Variants in ELP2 observed in about 807,000 individuals in gnomAD.
ELP2 encodes the protein elongator complex protein 2.
ELP2 carries 90 observed loss-of-function variants against 119.2 expected under a neutral mutation model. The observed-to-expected ratio is 0.75, with a 90% confidence interval of 0.64 to 0.90. The LOEUF (loss-of-function observed/expected upper bound fraction) is 0.90, where lower values mean the gene tolerates loss of function less well. Among genes scored for constraint, ELP2 ranks in the 40% least tolerant of loss-of-function variants. The pLI is 0.00. For synonymous variants in ELP2, 339 were observed against 331.0 expected, an observed-to-expected ratio of 1.02 and a Z score of -0.26; for missense variants, 921 against 967.8, an observed-to-expected ratio of 0.95 and a Z score of 0.64.
chr18:36,172,313 T>C (rs924577680), intron 21 of ELP2, among the ~76,000 whole-genome samples: 13 of 152,174 alleles, frequency 8.5e-5, no homozygotes, highest in African/African-American at 3.1e-4. Flanking sequence ...TTCTGTGTTA[T>C]ATTTTCTTAG....
In ELP2 at chr18:36,177,434, A is replaced by G. The variant is rs1419826270; in HGVS notation, c.*2793A>G. Reference sequence around the variant, plus strand: ...AGACAAATACTCTATGCTTCCATTTATGTGAAGTATCTAGAGCAGTCAAAT... The same window carrying G: ...AGACAAATACTCTATGCTTCCATTTGTGTGAAGTATCTAGAGCAGTCAAAT... On this transcript the variant is annotated 3_prime_UTR_variant, in exon 22 of 22. Coordinates refer to ENST00000358232, the MANE Select transcript of ELP2 (RefSeq NM_018255.4). The G allele has an allele frequency of 1.3e-5, 2 of 152,230 alleles. No homozygotes were observed. Among genetic ancestry groups the G allele is most frequent in the East Asian group, 3.8e-4 (2 of 5,196 alleles). The allele number at this position is 152,230 out of a possible 1,614,324, so 9.4% of individuals were successfully genotyped here. A position where few individuals can be genotyped will look rare whatever the true frequency, so the allele number is the denominator to read the frequency against.
At chr18:36,158,695 C>A (rs561375513) in intron 13 of ELP2, 140 bp from the exon 14 acceptor site, 3 of 627,966 alleles carry the variant, frequency 4.8e-6, no homozygotes, top group Non-Finnish European at 8.5e-6. Context: ...GACATCCACA[C>A]AAGATGGTCT....
intron 1 of ELP2, among the ~76,000 whole-genome samples, chr18:36,132,406 C>T (rs934166576): frequency 6.6e-6 from 1 of 152,176 alleles, no homozygotes; most frequent in Non-Finnish European, 1.5e-5. Context: ...GTTTTCCAGC[C>T]TCAAATAACC....
At chr18:36,146,873 AC>A (rs2090222033) in intron 11 of ELP2, among the ~76,000 whole-genome samples, 1 of 152,004 alleles carries the variant, frequency 6.6e-6, no homozygotes, top group Non-Finnish European at 1.5e-5. Context: ...TAGTCATGTA[AC>A]TGTCTCTCTA....
chr18:36,146,148 C>T, intron 10 of ELP2, 100 bp downstream of exon 10: 2 of 1,573,540 alleles, frequency 1.3e-6, no homozygotes, highest in Non-Finnish European at 1.7e-6. Flanking sequence ...TCACTGTGTA[C>T]ATTAAAATAG....
Position 36,159,998 on chromosome 18 carries a change from G to A in ELP2, c.1671G>A (p.Trp557Ter), listed in dbSNP as rs773824308. The A allele has an allele frequency of 6.2e-7, 1 of 1,613,930 alleles. No individual in the cohort carries two copies. The highest frequency in any genetic ancestry group is 8.5e-7 in the Non-Finnish European group (1 of 1,179,988). ...TEDHLLQNTL[W>*]PEVQKLYGHG... ...ATCATCTTCTGCAGAATACTTTGTG[G>A]CCTGAAGTTCAAAAACTGTAAGTTA... The change falls in exon 16 of 22, where the codon TGG becomes TGA. Residue 557 changes from tryptophan to a stop codon, truncating the protein, a stop_gained. Transcript: ENST00000358232. LOFTEE classifies it high-confidence loss of function.
chr18:36,156,771 T>C (rs567097919), intron 13 of ELP2, 117 bp downstream of exon 13: 65 of 987,092 alleles, frequency 6.6e-5, no homozygotes, highest in Non-Finnish European at 6.1e-6. Context: ...ATATTGTTTC[T>C]TAATGTAAGA....
chr18:36,156,501 T>C lies in ELP2; in HGVS notation c.1311T>C (p.His437=). The change falls in exon 13 of 22, where the codon CAT becomes CAC. Residue 437 remains histidine, a synonymous_variant. Transcript: ENST00000358232. ...ATGAAATTGCAAGGCCTCAGATACA[T>C]GGGTATGACCTGAAATGTTTGGCAA... ...TWHEIARPQI[H]GYDLKCLAMI... The C allele has an allele frequency of 6.2e-7, 1 of 1,614,186 alleles. No homozygotes were observed. Among genetic ancestry groups the C allele is most frequent in the Non-Finnish European group, 8.5e-7 (1 of 1,180,012 alleles).
intron 11 of ELP2, among the ~76,000 whole-genome samples, chr18:36,148,541 C>A (rs565706761): frequency 1.3e-5 from 2 of 152,228 alleles, no homozygotes; most frequent in South Asian, 4.2e-4. Context: ...GGCCATGGAT[C>A]CCTCAGGCCA....
rs1430146389 is a variant in ELP2 at position 36,176,135 on chromosome 18, A to T, written c.*1494A>T. 6.6e-6 allele frequency: 1 copy of T among 152,140 alleles called. No individual in the cohort carries two copies. Among genetic ancestry groups the T allele is most frequent in the Non-Finnish European group, 1.5e-5 (1 of 68,026 alleles). 9.4% of individuals were successfully genotyped at this position (152,140 alleles called of 1,614,324 possible). On this transcript the variant is annotated 3_prime_UTR_variant, in exon 22 of 22. Transcript: ENST00000358232. ...ATGTCAACCTATAATCAGTATAAAA[A>T]CCTGTTACTGAAATATTTTATAGGG...
chr18:36,164,459 C>T lies in ELP2; in HGVS notation c.1762-16C>T, dbSNP rs374867372. The T allele has an allele frequency of 6.2e-7, 1 of 1,610,334 alleles. No homozygotes were observed. The highest frequency in any genetic ancestry group is 8.5e-7 in the Non-Finnish European group (1 of 1,176,648). ...TTTTTACTTACTAGCTTCATTGTTT[C>T]ATCTCTGTCCTATAGGCAGCTAAGA... On this transcript the variant is annotated splice_polypyrimidine_tract_variant and intron_variant, in intron 17 of 21. Transcript: ENST00000358232.
Position 36,174,498 on chromosome 18 carries a change from C to G in ELP2, c.2338C>G (p.Leu780Val). Residue 780 changes from leucine (L) to valine (V), a missense_variant, in exon 22 of 22, where the codon CTG becomes GTG. By Grantham distance (32) the Leu-to-Val change is conservative (BLOSUM62 1). Coordinates refer to ENST00000358232, the MANE Select transcript of ELP2 (RefSeq NM_018255.4). ...TCTTTGTTTTAGCCAAAGTCATACA[C>G]TGGCTATCAGAAAATTATGCTGGAA... ...VETSQSQSHTLAIRKLCWKNC... is the reference protein window; with the variant it reads ...VETSQSQSHTVAIRKLCWKNC... 1.2e-6 allele frequency: 2 copies of G among 1,613,984 alleles called. No individual in the cohort carries two copies. The highest frequency in any genetic ancestry group is 1.1e-5 in the South Asian group (1 of 91,070).
intron 5 of ELP2, chr18:36,139,735 A>G: frequency 1.3e-6 from 1 of 784,938 alleles, no homozygotes; most frequent in East Asian, 2.7e-5. Flanking sequence ...TCTCTTATCT[A>G]GCAGAGTCAT....
chr18:36,139,833 A>G (rs926941543), intron 5 of ELP2: 19 of 312,376 alleles, frequency 6.1e-5, no homozygotes, highest in Non-Finnish European at 9.7e-5. Context: ...AGCTTTTTAA[A>G]ATTTTAAAAT....
chr18:36,136,904 C>G (rs763261403), intron 3 of ELP2, among the ~76,000 whole-genome samples: 5 of 152,126 alleles, frequency 3.3e-5, no homozygotes, highest in Non-Finnish European at 5.9e-5. Flanking sequence ...CTACCCCACA[C>G]TTCTGTCATG....
chr18:36,142,209 C>A, intron 6 of ELP2, 72 bp from the exon 7 acceptor site: 1 of 1,247,594 alleles, frequency 8.0e-7, no homozygotes, highest in Non-Finnish European at 1.2e-6. Context: ...CTGTCTGAGA[C>A]CAAATGATGT....
rs994418879 is a variant in ELP2 at position 36,174,429 on chromosome 18, C to T, written c.2325-56C>T. ...CAATTTTCAGGTTTTAACTTCCATT[C>T]ATGTTTACACCATTAATTGGAAAAA... On this transcript the variant is annotated intron_variant, in intron 21 of 21. Coordinates refer to ENST00000358232, the MANE Select transcript of ELP2 (RefSeq NM_018255.4). 4.4e-5 allele frequency: 68 copies of T among 1,542,890 alleles called. No homozygotes were observed. In the Admixed American group the frequency reaches 1.2e-3, roughly 27 times the overall value.
In ELP2 at chr18:36,175,463, A is replaced by G. The variant is rs1350173852; in HGVS notation, c.*822A>G. Reference sequence around the variant, plus strand: ...TGAGCTGCAGCCAGTCATTTCTTTTATTCTTTAAAAGTACATAGATTTGTC... The same window carrying G: ...TGAGCTGCAGCCAGTCATTTCTTTTGTTCTTTAAAAGTACATAGATTTGTC... On this transcript the variant is annotated 3_prime_UTR_variant, in exon 22 of 22. Transcript: ENST00000358232. 2 of 152,116 alleles carry G rather than the reference A, an allele frequency of 1.3e-5. No individual in the cohort carries two copies. The highest frequency in any genetic ancestry group is 1.3e-4 in the Admixed American group (2 of 15,262). The allele number at this position is 152,116 out of a possible 1,614,324, so 9.4% of individuals were successfully genotyped here. A position where few individuals can be genotyped will look rare whatever the true frequency, so the allele number is the denominator to read the frequency against.
At chr18:36,135,247 T>G (rs999181550) in intron 2 of ELP2, among the ~76,000 whole-genome samples, 1 of 152,272 alleles carries the variant, frequency 6.6e-6, no homozygotes, top group Non-Finnish European at 1.5e-5. Context: ...CTATTATGAT[T>G]GATTTCCTTT....
Sources: allele counts gnomAD v4.1 joint callset (sites outside exome capture counted in the v4.1 genomes callset), GRCh38; gene constraint gnomAD v4.1.1; transcripts MANE v1.5; gene names NCBI Gene and HGNC (gene_info 2026-07-23, HGNC 2026-07-21).